MAGI1: variants seen among roughly 807,000 people sequenced by gnomAD.
MAGI1 encodes membrane-associated guanylate kinase, WW and PDZ domain-containing protein 1.
A neutral mutation model predicts 139.9 loss-of-function variants in MAGI1; 58 were observed. The ratio of observed to expected loss-of-function variants is 0.41; its 90% confidence interval spans 0.34 to 0.52. MAGI1 has a LOEUF of 0.52. MAGI1 is among the 20% of genes least tolerant of loss of function. The pLI, the probability that MAGI1 is intolerant of heterozygous loss-of-function variation, is 0.12. For synonymous variants in MAGI1, 812 were observed against 737.9 expected (o/e 1.10, Z -1.63); for missense variants, 1,874 against 1,901.6 (o/e 0.99, Z 0.27).
intron 2 of MAGI1, among the ~76,000 whole-genome samples, chr3:65,554,685 C>T (rs892041198): frequency 6.6e-6 from 1 of 152,180 alleles, no homozygotes; most frequent in Non-Finnish European, 1.5e-5. Context: ...TACATCAAAC[C>T]CACCAAAGGT....
At chr3:65,917,480 G>A (rs747192866) in intron 1 of MAGI1, among the ~76,000 whole-genome samples, 1 of 152,146 alleles carries the variant, frequency 6.6e-6, no homozygotes, top group Non-Finnish European at 1.5e-5. Context: ...GAAAACTTAT[G>A]TCCACACAAA....
At chr3:65,935,901 G>C (rs2063028342) in intron 1 of MAGI1, among the ~76,000 whole-genome samples, 2 of 152,228 alleles carry the variant, frequency 1.3e-5, no homozygotes, top group South Asian at 4.1e-4. Flanking sequence ...ACATGTGAAG[G>C]AAGTCACATC....
chr3:65,431,769 T>C (rs1273120025), intron 10 of MAGI1, among the ~76,000 whole-genome samples: 1 of 151,912 alleles, frequency 6.6e-6, no homozygotes. Context: ...GGTGGAGCAC[T>C]GAGGTCAGGA....
At chr3:65,703,526 C>T (rs933225838) in intron 1 of MAGI1, among the ~76,000 whole-genome samples, 1 of 152,224 alleles carries the variant, frequency 6.6e-6, no homozygotes, top group African/African-American at 2.4e-5. Flanking sequence ...ATGGATCTTC[C>T]AGCCAGGACC....
At chr3:65,631,712 T>C (rs1371493758) in intron 1 of MAGI1, among the ~76,000 whole-genome samples, 1 of 152,182 alleles carries the variant, frequency 6.6e-6, no homozygotes, top group East Asian at 1.9e-4. Context: ...ATTATGAGTT[T>C]CATGTTAATA....
At chr3:65,442,590 T>C (rs947929077) in intron 8 of MAGI1, among the ~76,000 whole-genome samples, 3 of 152,170 alleles carry the variant, frequency 2.0e-5, no homozygotes, top group Non-Finnish European at 4.4e-5. Flanking sequence ...ATCCTGCCCA[T>C]GTGAATTTAA....
At chr3:65,978,099 A>G (rs968628665) in intron 1 of MAGI1, among the ~76,000 whole-genome samples, 3 of 152,216 alleles carry the variant, frequency 2.0e-5, no homozygotes, top group African/African-American at 7.2e-5. Context: ...CAAGATGGTA[A>G]GCTTTATAAT....
At chr3:65,886,490 G>T (rs907614711) in intron 1 of MAGI1, among the ~76,000 whole-genome samples, 1 of 152,020 alleles carries the variant, frequency 6.6e-6, no homozygotes, top group East Asian at 1.9e-4. Context: ...TGAGCATATG[G>T]CTGCCCTCAT....
chr3:65,908,730 C>T (rs2061538844), intron 1 of MAGI1, among the ~76,000 whole-genome samples: 1 of 152,172 alleles, frequency 6.6e-6, no homozygotes, highest in Non-Finnish European at 1.5e-5. Flanking sequence ...ATTAGGACTC[C>T]CTGGCCGACT....
At chr3:65,626,530 C>T (rs567514839) in intron 1 of MAGI1, among the ~76,000 whole-genome samples, 6 of 152,218 alleles carry the variant, frequency 3.9e-5, no homozygotes, top group African/African-American at 1.4e-4. Context: ...CACTATGTTG[C>T]CTAGGCTGGT....
chr3:65,356,358 T>C lies in MAGI1; in HGVS notation c.*20A>G, dbSNP rs1384306441. On this transcript the variant is annotated 3_prime_UTR_variant, in exon 23 of 23. Transcript: ENST00000402939. ...CTTAGAACCTTTGACACGGTAAAGG[T>C]TGGAATGTGACTCAGCGTCTCAGAT... is the stretch of plus-strand genomic sequence containing the variant. 7.1e-6 allele frequency: 11 copies of C among 1,551,266 alleles called. No individual in the cohort carries two copies. Among genetic ancestry groups the C allele is most frequent in the Admixed American group, 6.1e-5 (3 of 49,536 alleles).
chr3:65,723,480 TAG>T (rs1326003991), intron 1 of MAGI1, among the ~76,000 whole-genome samples: 1 of 152,200 alleles, frequency 6.6e-6, no homozygotes, highest in Non-Finnish European at 1.5e-5. Flanking sequence ...CCTCTGGCTG[TAG>T]AATCTCCTCA....
At chr3:65,530,823 GTATA>G (rs1372118677) in intron 2 of MAGI1, among the ~76,000 whole-genome samples, 11 of 13,564 alleles carry the variant, frequency 8.1e-4, no homozygotes, top group Non-Finnish European at 1.3e-3. Context: ...ATATATACAC[GTATA>G]TATATATATA....
At chr3:65,440,285 T>A (rs1026969509) in intron 8 of MAGI1, among the ~76,000 whole-genome samples, 6 of 152,174 alleles carry the variant, frequency 3.9e-5, no homozygotes, top group African/African-American at 1.4e-4. Flanking sequence ...TTTTTATTCA[T>A]ATCTTATGAA....
At chr3:65,454,568 G>C (rs1247831642) in intron 5 of MAGI1, among the ~76,000 whole-genome samples, 1 of 124,898 alleles carries the variant, frequency 8.0e-6, no homozygotes, top group East Asian at 2.1e-4. Context: ...AAAAATACTT[G>C]TTTTACAAAA....
At chr3:65,412,679 T>C (rs1373813414) in intron 12 of MAGI1, among the ~76,000 whole-genome samples, 1 of 152,170 alleles carries the variant, frequency 6.6e-6, no homozygotes, top group East Asian at 1.9e-4. Flanking sequence ...AGGAGCTGCT[T>C]GGCCTTTCTT....
intron 1 of MAGI1, among the ~76,000 whole-genome samples, chr3:65,657,930 C>A (rs1376143944): frequency 6.6e-6 from 1 of 152,172 alleles, no homozygotes; most frequent in Non-Finnish European, 1.5e-5. Context: ...ACAATACCTT[C>A]TTTAGAAGGT....
intron 1 of MAGI1, among the ~76,000 whole-genome samples, chr3:65,805,810 C>A (rs1230492255): frequency 6.6e-6 from 1 of 152,104 alleles, no homozygotes; most frequent in African/African-American, 2.4e-5. Flanking sequence ...AGCTGGAAGC[C>A]ATCATCCTCA....
At chr3:65,831,689 T>A in intron 1 of MAGI1, among the ~76,000 whole-genome samples, 1 of 152,168 alleles carries the variant, frequency 6.6e-6, no homozygotes, top group East Asian at 1.9e-4. Flanking sequence ...AACAAAAAAA[T>A]TCCACATAGA....
Sources: gnomAD v4.1 joint callset for allele counts (sites outside exome capture counted in the v4.1 genomes callset) on GRCh38, gnomAD v4.1.1 for gene constraint, MANE v1.5 for transcripts, NCBI Gene and HGNC (gene_info 2026-07-23, HGNC 2026-07-21) for gene names.